The following UNC79 variants were observed in gnomAD, a reference collection of about 807,000 sequenced individuals.
UNC79 encodes protein unc-79 homolog.
UNC79 carries 37 observed loss-of-function variants against 283.1 expected under a neutral mutation model. The ratio of observed to expected loss-of-function variants is 0.13; its 90% CI spans 0.10 to 0.17. The LOEUF is 0.17. UNC79 is among the 10% of genes least tolerant of loss of function. The probability of loss-of-function intolerance (pLI) is 1.00; values close to 1 mark genes in which losing one functional copy is unlikely to be tolerated. For missense variants in UNC79, 2,272 were observed against 3,211.1 expected (o/e 0.71, Z 7.07); for synonymous variants, 1,107 against 1,200.2 (o/e 0.92, Z 1.61).
Position 93,655,426 on chromosome 14 carries a change from T to C in UNC79, c.6456+19T>C, listed in dbSNP as rs201111411. The C allele has an allele frequency of 1.8e-5, 29 of 1,607,370 alleles. No individual in the cohort carries two copies. The East Asian group carries it at 6.3e-4, about 35-fold the overall frequency. On this transcript the variant is annotated intron_variant, in intron 38 of 48. Transcript: ENST00000555664. Reference sequence around the variant, plus strand: ...TCTGAAGGTAAGCTGAGCCGAAGGTTTCATTTTCAATTAATTTCTTACCAT... The same window carrying C: ...TCTGAAGGTAAGCTGAGCCGAAGGTCTCATTTTCAATTAATTTCTTACCAT...
chr14:93,529,267 A>G lies in UNC79; in HGVS notation c.1053-19A>G, dbSNP rs756402692. 1 of 1,612,950 alleles carries G rather than the reference A, an allele frequency of 6.2e-7. No individual in the cohort carries two copies. Among genetic ancestry groups the G allele is most frequent in the Non-Finnish European group, 8.5e-7 (1 of 1,179,616 alleles). On this transcript the variant is annotated intron_variant, in intron 9 of 48. Transcript: ENST00000555664. The stretch of plus-strand genomic sequence containing the variant: ...ACATTTCAATGAAGCTCAAAAATGA[A>G]TTTTGTTTTTTTCAATAGGGACCAC...
At chr14:93,597,323 G>C in intron 23 of UNC79, 36 bp from the exon 24 acceptor site, 2 of 1,602,886 alleles carry the variant, frequency 1.2e-6, no homozygotes, top group South Asian at 1.1e-5. Flanking sequence ...AGGTGTGTGT[G>C]TATTTACGTA....
At chr14:93,387,552 A>G (rs1341181365) in intron 1 of UNC79, among the ~76,000 whole-genome samples, 1 of 152,128 alleles carries the variant, frequency 6.6e-6, no homozygotes, top group Non-Finnish European at 1.5e-5. Context: ...CAGTGTCCGA[A>G]GTTCCTCTCG....
intron 1 of UNC79, among the ~76,000 whole-genome samples, chr14:93,353,769 ACAC>A (rs2054025019): frequency 6.6e-6 from 1 of 152,218 alleles, no homozygotes; most frequent in Admixed American, 6.5e-5. Flanking sequence ...CACTTACTGT[ACAC>A]CACTGTACAC....
At chr14:93,635,371 G>A (rs2068420444) in intron 31 of UNC79, among the ~76,000 whole-genome samples, 1 of 151,970 alleles carries the variant, frequency 6.6e-6, no homozygotes, top group Admixed American at 6.6e-5. Context: ...TTCTATATGT[G>A]AAAACACCTT....
rs1467082944 is a variant in UNC79 at position 93,474,919 on chromosome 14, C to A, written c.448+526C>A. ...TGTAAACAACAATCAATAGTTATTACAAAATGTTGTATCAAAATGTAGATA... is the reference window on the plus strand; with the variant it reads ...TGTAAACAACAATCAATAGTTATTAAAAAATGTTGTATCAAAATGTAGATA... On this transcript the variant is annotated intron_variant, in intron 3 of 48. Transcript: ENST00000555664. This position sits in a 1 kb window ranked among gnomAD's most constrained non-coding sequence, Gnocchi z 4.1. Among the ~76,000 whole-genome samples, 2 of 152,148 alleles carry A rather than the reference C, an allele frequency of 1.3e-5. No individual in the cohort carries two copies. Among genetic ancestry groups the A allele is most frequent in the Admixed American group, 6.5e-5 (1 of 15,276 alleles).
In UNC79 at chr14:93,419,892, T is replaced by G. The variant is rs2055554858; in HGVS notation, c.-350-47779T>G. Among the ~76,000 whole-genome samples the G allele has an allele frequency of 2.0e-5, 3 of 151,546 alleles. 1 individual carries two copies. Among genetic ancestry groups the G allele is most frequent in the Non-Finnish European group, 4.4e-5 (3 of 67,838 alleles). ...CAGCTTGGGCAACATAGTGAGACCC[T>G]GTCTTTATAAAAGAATAAAAAATAA... is the stretch of plus-strand genomic sequence containing the variant. On this transcript the variant is annotated intron_variant, in intron 1 of 49. Coordinates refer to the UNC79 transcript ENST00000256339.
At chr14:93,378,513 A>G (rs1243517632) in intron 1 of UNC79, among the ~76,000 whole-genome samples, 1 of 152,132 alleles carries the variant, frequency 6.6e-6, no homozygotes, top group Non-Finnish European at 1.5e-5. Context: ...GAATATCACC[A>G]TATACATAAT....
chr14:93,421,851 A>G (rs997756957), intron 1 of UNC79, among the ~76,000 whole-genome samples: 3 of 151,714 alleles, frequency 2.0e-5, no homozygotes, highest in Non-Finnish European at 4.4e-5. Context: ...TGTTAGTTCA[A>G]CATACACACA....
rs979151138 is a variant in UNC79 at position 93,565,952 on chromosome 14, A to G, written c.1756-5942A>G. On this transcript the variant is annotated intron_variant, in intron 14 of 48. Coordinates refer to ENST00000555664, the Ensembl canonical transcript of UNC79. ...GGAGCTGATGAAGTTAGTGAAAACC[A>G]AAAGAAAGGAAGGAGGGAGGAAGAA... Among the ~76,000 whole-genome samples, 9 of 152,184 alleles carry G rather than the reference A, an allele frequency of 5.9e-5. No homozygotes were observed. The East Asian group carries it at 1.2e-3, about 20-fold the overall frequency.
At chr14:93,499,359 CTGAAA>C (rs2059175050) in intron 7 of UNC79, among the ~76,000 whole-genome samples, 1 of 152,142 alleles carries the variant, frequency 6.6e-6, no homozygotes, top group African/African-American at 2.4e-5. Flanking sequence ...CATTCGATCC[CTGAAA>C]TAAGCACTTA....
intron 14 of UNC79, among the ~76,000 whole-genome samples, chr14:93,567,526 C>CTCACTTTTCTTTTCTGTCCG (rs1275709156): frequency 4.6e-5 from 7 of 152,190 alleles, no homozygotes; most frequent in Admixed American, 6.5e-5. Context: ...CATGCCCGGC[C>CTCACTTTTCTTTTCTGTCCG]TCACTTTTCT....
chr14:93,393,768 A>G (rs1465323325), intron 1 of UNC79, among the ~76,000 whole-genome samples: 1 of 152,158 alleles, frequency 6.6e-6, no homozygotes, highest in Non-Finnish European at 1.5e-5. Context: ...TGGCTGTGTG[A>G]TTGGATATTT....
At chr14:93,365,557 T>C (rs1232296508) in intron 1 of UNC79, among the ~76,000 whole-genome samples, 1 of 152,098 alleles carries the variant, frequency 6.6e-6, no homozygotes, top group Non-Finnish European at 1.5e-5. Flanking sequence ...TTCTCATAGA[T>C]TTGACAATGG....
chr14:93,651,679 G>C (rs1162136529), intron 35 of UNC79, among the ~76,000 whole-genome samples: 11 of 151,010 alleles, frequency 7.3e-5, no homozygotes, highest in Admixed American at 5.9e-4. Context: ...ATTTTGTATG[G>C]AAAAATCATC....
chr14:93,399,848 G>A (rs1488057034), intron 1 of UNC79, among the ~76,000 whole-genome samples: 1 of 152,142 alleles, frequency 6.6e-6, no homozygotes, highest in Non-Finnish European at 1.5e-5. Flanking sequence ...ACATGTGTGT[G>A]TATAGAAAAC....
exon 4 of UNC79, chr14:93,477,728 T>G (rs764603755): frequency 6.2e-7 from 1 of 1,610,578 alleles, no homozygotes; most frequent in Non-Finnish European, 8.5e-7. Context: ...AATGGCTATA[T>G]GTAAGTCCAA....
At chr14:93,519,216 A>G (rs1402412483) in intron 7 of UNC79, among the ~76,000 whole-genome samples, 1 of 151,598 alleles carries the variant, frequency 6.6e-6, no homozygotes, top group Non-Finnish European at 1.5e-5. Flanking sequence ...AGGTTAATTG[A>G]CCCTTTCATC....
intron 7 of UNC79, among the ~76,000 whole-genome samples, chr14:93,519,358 A>G (rs114251536): frequency 0.023 from 3,568 of 151,916 alleles, 153 homozygotes; most frequent in African/African-American, 0.082. Context: ...ATTGCATAGT[A>G]TAACTTTTTC....
Sources: gnomAD v4.1 joint callset for allele counts (sites outside exome capture counted in the v4.1 genomes callset) on GRCh38, gnomAD v4.1.1 for gene constraint, Gnocchi (gnomAD v3.1) non-coding constraint, MANE v1.5 for transcripts, NCBI Gene and HGNC (gene_info 2026-07-23, HGNC 2026-07-21) for gene names.